NEK4: variants seen among roughly 807,000 people sequenced by gnomAD.
The protein encoded by NEK4 is serine/threonine-protein kinase Nek4.
In NEK4, 86 loss-of-function variants were observed where a neutral mutation model predicts 98.4. The observed-to-expected ratio is 0.87, with a 90% CI of 0.73 to 1.05. The LOEUF (loss-of-function observed/expected upper bound fraction) is 1.05. NEK4 is among the 50% of genes least tolerant of loss of function. NEK4 has a pLI of 0.00. For synonymous variants in NEK4, 328 were observed against 342.2 expected (o/e 0.96, Z 0.46); for missense variants, 898 against 950.3 (o/e 0.94, Z 0.72).
chr3:52,719,729 A>G (rs1237415459), intron 15 of NEK4, among the ~76,000 whole-genome samples: 2 of 152,138 alleles, frequency 1.3e-5, no homozygotes, highest in Non-Finnish European at 2.9e-5. Flanking sequence ...ACAGAAAAAA[A>G]TTATTAATTT....
intron 15 of NEK4, among the ~76,000 whole-genome samples, chr3:52,722,723 C>T (rs1266776125): frequency 2.0e-5 from 3 of 151,770 alleles, no homozygotes; most frequent in South Asian, 2.1e-4. Flanking sequence ...GGTAACATGG[C>T]GAAACCCCGT....
At chr3:52,743,317 C>CT (rs1348738954) in intron 12 of NEK4, 35 bp downstream of exon 12, 1 of 1,537,062 alleles carries the variant, frequency 6.5e-7, no homozygotes, top group Non-Finnish European at 9.0e-7. Flanking sequence ...CAGATGTAGA[C>CT]TGTCCACCTT....
intron 1 of NEK4, 60 bp from the exon 2 acceptor site, chr3:52,768,664 A>G: frequency 3.9e-6 from 6 of 1,529,392 alleles, no homozygotes; most frequent in Non-Finnish European, 5.4e-6. Context: ...GTGGCCTCAG[A>G]GTTATCTAAG....
intron 6 of NEK4, among the ~76,000 whole-genome samples, chr3:52,752,777 G>A (rs372603480): frequency 1.3e-5 from 2 of 149,960 alleles, no homozygotes; most frequent in East Asian, 3.9e-4. Context: ...GTGCATGTCT[G>A]TAGTCCCAGT....
In NEK4 at chr3:52,768,415, G is replaced by A; in HGVS notation, c.283C>T (p.Leu95Phe). 1 of 1,614,082 alleles carries A rather than the reference G, an allele frequency of 6.2e-7. No individual in the cohort carries two copies. The change falls in exon 2 of 16, where the codon CTC (leucine) becomes TTC (phenylalanine). Residue 95 changes from leucine (L) to phenylalanine (F), a missense_variant. By Grantham distance (22) the Leu-to-Phe change is conservative (BLOSUM62 0). Transcript: ENST00000233027. ...FCEGGDLYRKLKEQKGQLLPE... is the reference protein window; with the variant it reads ...FCEGGDLYRKFKEQKGQLLPE... ...AGAAGCTGCCCTTTCTGCTCCTTGA[G>A]CTTTCGGTACAAATCACCTCCTTCA...
At chr3:52,766,405 A>G (rs570864636) in intron 2 of NEK4, 30 bp from the exon 3 acceptor site, 1 of 1,471,554 alleles carries the variant, frequency 6.8e-7, no homozygotes, top group African/African-American at 1.4e-5. Context: ...TTTATTACAT[A>G]TAAATAGACT....
chr3:52,724,186 T>C (rs959433627), intron 15 of NEK4, among the ~76,000 whole-genome samples: 2 of 150,754 alleles, frequency 1.3e-5, no homozygotes, highest in Admixed American at 6.7e-5. Context: ...TGAGCCAAGA[T>C]GGCGCCACCG....
At chr3:52,743,152 C>A in intron 12 of NEK4, 200 bp downstream of exon 12, 1 of 500,630 alleles carries the variant, frequency 2.0e-6, no homozygotes, top group Non-Finnish European at 3.6e-6. Flanking sequence ...ACAAGAGTAC[C>A]TGAAAAATTT....
chr3:52,738,270 C>G (rs2097379673), intron 14 of NEK4, among the ~76,000 whole-genome samples: 1 of 151,990 alleles, frequency 6.6e-6, no homozygotes, highest in South Asian at 2.1e-4. Context: ...CCATGTCCAA[C>G]TAATTCTTAA....
intron 15 of NEK4, chr3:52,732,490 C>T (rs563251450): frequency 5.6e-5 from 10 of 177,354 alleles, no homozygotes; most frequent in Non-Finnish European, 9.7e-5. Flanking sequence ...CCACCACACC[C>T]GGCCACAGAT....
At chr3:52,744,376 T>C in intron 10 of NEK4, 71 bp from the exon 11 acceptor site, 1 of 1,158,532 alleles carries the variant, frequency 8.6e-7, no homozygotes, top group Non-Finnish European at 1.3e-6. Flanking sequence ...ATCCATGATG[T>C]ATCATTCAGC....
chr3:52,713,069 C>T (rs527583206), intron 15 of NEK4, among the ~76,000 whole-genome samples: 2 of 152,296 alleles, frequency 1.3e-5, no homozygotes, highest in South Asian at 4.1e-4. Flanking sequence ...CAGTACTTCC[C>T]TGTCCCCCTT....
intron 15 of NEK4, 111 bp from the exon 16 acceptor site, chr3:52,711,980 G>C: frequency 1.7e-6 from 1 of 597,664 alleles, no homozygotes; most frequent in Non-Finnish European, 3.0e-6. Context: ...AAACCATACA[G>C]GAAAATACTA....
At chr3:52,728,603 C>T (rs561298420) in intron 15 of NEK4, among the ~76,000 whole-genome samples, 1 of 152,230 alleles carries the variant, frequency 6.6e-6, no homozygotes, top group South Asian at 2.1e-4. Context: ...GAAGTCAGTG[C>T]ACCTTGAAAA....
intron 15 of NEK4, among the ~76,000 whole-genome samples, chr3:52,722,535 G>A (rs1161516362): frequency 6.6e-6 from 1 of 152,100 alleles, no homozygotes; most frequent in Non-Finnish European, 1.5e-5. Context: ...TAAAAAATAA[G>A]TATGGACCAT....
chr3:52,719,205 A>G (rs1341124162), intron 15 of NEK4, among the ~76,000 whole-genome samples: 1 of 152,208 alleles, frequency 6.6e-6, no homozygotes, highest in African/African-American at 2.4e-5. Flanking sequence ...TGCAAGCAGC[A>G]AGCAACTGAA....
chr3:52,736,938 T>C (rs1217136843), intron 15 of NEK4, among the ~76,000 whole-genome samples: 1 of 152,146 alleles, frequency 6.6e-6, no homozygotes, highest in Non-Finnish European at 1.5e-5. Context: ...TAATAGGTAA[T>C]AGAGTTTATT....
Position 52,710,766 on chromosome 3 carries a change from A to C in NEK4, c.*1011T>G, listed in dbSNP as rs1173539682. The C allele has an allele frequency of 6.6e-6, 1 of 152,114 alleles. No individual in the cohort carries two copies. The highest frequency in any genetic ancestry group is 1.5e-5 in the Non-Finnish European group (1 of 68,018). The allele number at this position is 152,114 out of a possible 1,614,324, so 9.4% of individuals were successfully genotyped here. On this transcript the variant is annotated 3_prime_UTR_variant, in exon 16 of 16. Coordinates refer to ENST00000233027, the MANE Select transcript of NEK4 (RefSeq NM_003157.6). ...GACAGAGTGAAACTCTGTCTCAAAA[A>C]AAAAACACCTGAAAACATTTCTGGA... is the stretch of plus-strand genomic sequence containing the variant.
intron 6 of NEK4, among the ~76,000 whole-genome samples, chr3:52,756,893 A>G (rs1431804370): frequency 6.6e-6 from 1 of 152,216 alleles, no homozygotes; most frequent in African/African-American, 2.4e-5. Context: ...AGAACTCCTA[A>G]AATCCAACAG....
Sources: gnomAD v4.1 joint callset for allele counts (sites outside exome capture counted in the v4.1 genomes callset) on GRCh38, gnomAD v4.1.1 for gene constraint, MANE v1.5 for transcripts, NCBI Gene and HGNC (gene_info 2026-07-23, HGNC 2026-07-21) for gene names.